The following PRKCZ variants were observed in gnomAD, a reference collection of about 807,000 sequenced individuals.
The protein encoded by PRKCZ is protein kinase C zeta type.
A neutral mutation model predicts 79.5 loss-of-function variants in PRKCZ; 33 were observed. The ratio of observed to expected loss-of-function variants is 0.41; its 90% CI spans 0.31 to 0.55. PRKCZ has a LOEUF of 0.55. PRKCZ is among the 20% of genes least tolerant of loss of function. PRKCZ has a pLI of 0.19. For missense variants in PRKCZ, 578 were observed against 813.5 expected (o/e 0.71, Z 3.52); for synonymous variants, 342 against 320.9 (o/e 1.07, Z -0.70).
rs753849571 is a variant in PRKCZ, at chr1:2,177,185, G to A, written c.1575+1872G>A. Among the ~76,000 whole-genome samples, 8 of 152,084 alleles carry A rather than the reference G, an allele frequency of 5.3e-5. No individual in the cohort carries two copies. Among genetic ancestry groups the A allele is most frequent in the African/African-American group, 9.7e-5 (4 of 41,406 alleles). Reference sequence around the variant, plus strand: ...CACACCTGGCCTAGCTGGTGTTAGTGGTGGCATCCCCTTGTCTCTGGCCCA... The same window carrying A: ...CACACCTGGCCTAGCTGGTGTTAGTAGTGGCATCCCCTTGTCTCTGGCCCA... On this transcript the variant is annotated intron_variant, in intron 16 of 17. Coordinates refer to ENST00000378567, the MANE Select transcript of PRKCZ (RefSeq NM_002744.6). This position sits in a 1 kb window ranked among gnomAD's most constrained non-coding sequence, Gnocchi z 6.4.
At position 2,070,814 on chromosome 1, in the gene PRKCZ, G is replaced by A. The variant is rs905842251; in HGVS notation, c.334+11223G>A. On this transcript the variant is annotated intron_variant, in intron 4 of 17. Coordinates refer to ENST00000378567, the MANE Select transcript of PRKCZ (RefSeq NM_002744.6). ...GGGACAGTCCTCGGCTGCGGGGGCC[G>A]GGGTGGGCCAGGAAGGGGAAGGGGC... Among the ~76,000 whole-genome samples the A allele has an allele frequency of 1.3e-3, 201 of 151,904 alleles. 2 individuals are homozygous for A. The highest frequency in any genetic ancestry group is 4.1e-4 in the Non-Finnish European group (28 of 67,866).
chr1:2,097,390 A>G (rs1259514117), intron 4 of PRKCZ, among the ~76,000 whole-genome samples: 1 of 152,180 alleles, frequency 6.6e-6, no homozygotes, highest in Non-Finnish European at 1.5e-5. Flanking sequence ...CTGGTGGAGA[A>G]TTCAGGAGGT....
At chr1:2,059,617 G>C in intron 4 of PRKCZ, 26 bp downstream of exon 4, 1 of 1,613,464 alleles carries the variant, frequency 6.2e-7, no homozygotes, top group Non-Finnish European at 8.5e-7. Flanking sequence ...TCCTACGCCG[G>C]TCTCGCATGT....
In PRKCZ at chr1:2,144,241, T is replaced by TA; in HGVS notation, c.453dup (p.Trp152MetfsTer19). The stretch of plus-strand genomic sequence containing the variant: ...TACTGCGGTCAGTGCAGCGAGAGGA[T>TA]ATGGGGCCTCGCGAGGCAAGGCTAC... On this transcript the variant is annotated frameshift_variant, in exon 6 of 18. Transcript: ENST00000378567. LOFTEE classifies it high-confidence loss of function. 6.4e-7 allele frequency: 1 copy of TA among 1,553,748 alleles called. No homozygotes were observed. Among genetic ancestry groups the TA allele is most frequent in the Non-Finnish European group, 8.7e-7 (1 of 1,147,840 alleles).
chr1:2,160,759 G>T (rs1184202209), intron 10 of PRKCZ, among the ~76,000 whole-genome samples: 4 of 152,200 alleles, frequency 2.6e-5, no homozygotes. Context: ...GTTCGCAGAA[G>T]TCAGGGCAGT....
At position 2,156,037 on chromosome 1, in the gene PRKCZ, G is replaced by A. The variant is rs1275955741; in HGVS notation, c.919G>A (p.Ala307Thr). 1 of 1,613,910 alleles carries A rather than the reference G, an allele frequency of 6.2e-7. No individual in the cohort carries two copies. The highest frequency in any genetic ancestry group is 8.5e-7 in the Non-Finnish European group (1 of 1,179,962). ...VQTEKHVFEQ[A>T]SSNPFLVGLH... Reference sequence around the variant, plus strand: ...GACAGAGAAGCACGTGTTTGAGCAGGCATCCAGCAACCCCTTCCTGGTCGG... The same window carrying A: ...GACAGAGAAGCACGTGTTTGAGCAGACATCCAGCAACCCCTTCCTGGTCGG... Residue 307 changes from alanine to threonine, a missense_variant, in exon 10 of 18, where the codon GCA (alanine) becomes ACA (threonine). Ala to Thr is a moderately conservative substitution (Grantham distance 58). Around this residue, in one of 4 missense-constraint regions of PRKCZ, gnomAD observed 243 missense variants for 467.0 expected, o/e 0.52. Coordinates refer to ENST00000378567, the MANE Select transcript of PRKCZ (RefSeq NM_002744.6).
intron 4 of PRKCZ, among the ~76,000 whole-genome samples, chr1:2,088,317 T>A (rs894270004): frequency 2.0e-5 from 3 of 151,932 alleles, no homozygotes; most frequent in African/African-American, 7.3e-5. Context: ...TGCACGCCCC[T>A]CCCTCCGCCT....
intron 5 of PRKCZ, chr1:2,144,009 T>A: frequency 1.5e-6 from 1 of 650,050 alleles, no homozygotes; most frequent in South Asian, 2.2e-5. Context: ...GGGCCACTGG[T>A]TCCCCCAACC....
intron 5 of PRKCZ, among the ~76,000 whole-genome samples, chr1:2,140,893 A>G (rs1393622095): frequency 1.3e-5 from 2 of 152,188 alleles, no homozygotes; most frequent in African/African-American, 4.8e-5. Flanking sequence ...GCTTGAACCC[A>G]GGAGGCGGAG....
Position 2,120,588 on chromosome 1 carries a change from G to A in PRKCZ, c.335-14674G>A, listed in dbSNP as rs148843230. Reference sequence around the variant, plus strand: ...TGGGATTACAGGTGTGAGCCACCGTGCCCGGCCAGCCCTTGGCTTTTCAAA... The same window carrying A: ...TGGGATTACAGGTGTGAGCCACCGTACCCGGCCAGCCCTTGGCTTTTCAAA... On this transcript the variant is annotated intron_variant, in intron 4 of 17. Coordinates refer to ENST00000378567, the MANE Select transcript of PRKCZ (RefSeq NM_002744.6). Among the ~76,000 whole-genome samples, 5 of 151,946 alleles carry A rather than the reference G, an allele frequency of 3.3e-5. No individual in the cohort carries two copies. In the East Asian group the frequency reaches 9.7e-4, roughly 30 times the overall value.
intron 5 of PRKCZ, among the ~76,000 whole-genome samples, chr1:2,136,209 C>T (rs1269955384): frequency 6.6e-6 from 1 of 152,226 alleles, no homozygotes; most frequent in Admixed American, 6.5e-5. Flanking sequence ...ATGGTCTGCC[C>T]TCTAGACCAT....
chr1:2,073,936 C>G, intron 4 of PRKCZ: 2 of 1,346,210 alleles, frequency 1.5e-6, no homozygotes, highest in Non-Finnish European at 1.9e-6. Flanking sequence ...GCCGGTGAGT[C>G]GGGGGCATCT....
rs373647833 is a variant in PRKCZ, at chr1:2,150,837, G to A, written c.735G>A (p.Gln245=). Residue 245 remains glutamine (Q), a synonymous_variant, in exon 9 of 18, where the codon CAG becomes CAA. Coordinates refer to ENST00000378567, the MANE Select transcript of PRKCZ (RefSeq NM_002744.6). ...GGATGGATGGAATCAAAATCTCTCAGGGGCTTGGGCTGCAGGACTTTGACC... is the reference window on the plus strand; with the variant it reads ...GGATGGATGGAATCAAAATCTCTCAAGGGCTTGGGCTGCAGGACTTTGACC... The part of the protein sequence containing the change: ...IDGMDGIKIS[Q]GLGLQDFDLI... The A allele has an allele frequency of 5.6e-6, 9 of 1,614,090 alleles. No individual in the cohort carries two copies. Among genetic ancestry groups the A allele is most frequent in the Middle Eastern group, 1.6e-4 (1 of 6,082 alleles).
chr1:2,105,783 C>T lies in PRKCZ; in HGVS notation c.335-29479C>T, dbSNP rs940964921. 1.6e-4 allele frequency among the ~76,000 whole-genome samples: 25 copies of T among 152,308 alleles called. 1 individual carries two copies. The highest frequency in any genetic ancestry group is 4.1e-4 in the African/African-American group (17 of 41,566). On this transcript the variant is annotated intron_variant, in intron 4 of 17. Coordinates refer to ENST00000378567, the MANE Select transcript of PRKCZ (RefSeq NM_002744.6). The stretch of plus-strand genomic sequence containing the variant: ...GCTGTCAGGAGGAGCAGGGTGGCTG[C>T]GTGCCCCTGGGAGCTGCTGTGGGTG...
At position 2,185,343 on chromosome 1, in the gene PRKCZ, A is replaced by G. The variant is rs902156035; in HGVS notation, c.*334A>G. On this transcript the variant is annotated 3_prime_UTR_variant, in exon 18 of 18. Coordinates refer to ENST00000378567, the MANE Select transcript of PRKCZ (RefSeq NM_002744.6). ...ACTCGATGCACTGACCTGCTCCGCCAGGAAAGTGAGCGTGTAGCGTCCTGA... is the reference window on the plus strand; with the variant it reads ...ACTCGATGCACTGACCTGCTCCGCCGGGAAAGTGAGCGTGTAGCGTCCTGA... The G allele has an allele frequency of 2.8e-6, 2 of 718,724 alleles. No individual in the cohort carries two copies. The highest frequency in any genetic ancestry group is 3.5e-5 in the African/African-American group (2 of 57,286). 44.5% of individuals were successfully genotyped at this position (718,724 alleles called of 1,614,324 possible). A position where few individuals can be genotyped will look rare whatever the true frequency, so the allele number is the denominator to read the frequency against.
chr1:2,144,732 C>G (rs536478116), intron 6 of PRKCZ: 1 of 779,094 alleles, frequency 1.3e-6, no homozygotes, highest in East Asian at 1.1e-4. Flanking sequence ...TCTGGAGCCT[C>G]TCCCTGGCAT....
At chr1:2,118,963 A>T (rs760623467) in intron 4 of PRKCZ, among the ~76,000 whole-genome samples, 1 of 152,066 alleles carries the variant, frequency 6.6e-6, no homozygotes, top group South Asian at 2.1e-4. Flanking sequence ...TAGCTTTGTC[A>T]TCTTGCTATG....
intron 3 of PRKCZ, among the ~76,000 whole-genome samples, 156 bp downstream of exon 3, chr1:2,056,729 CT>C (rs1213314980): frequency 0.026 from 3,603 of 136,704 alleles, 20 homozygotes; most frequent in Non-Finnish European, 0.032. Context: ...TTTTCTTTGA[CT>C]TTTTTTTTTT....
rs762611938 is a variant in PRKCZ at position 2,135,372 on chromosome 1, C to T, written c.420+25C>T. ...GGTGAGTGGCCCCCTTGGGACTAGT[C>T]CCTCAAGGGGCCTTTTGTTACTTTT... is the stretch of plus-strand genomic sequence containing the variant. On this transcript the variant is annotated intron_variant, in intron 5 of 17. Coordinates refer to ENST00000378567, the MANE Select transcript of PRKCZ (RefSeq NM_002744.6). 4 of 1,571,852 alleles carry T rather than the reference C, an allele frequency of 2.5e-6. No individual in the cohort carries two copies. The African/African-American group carries it at 4.1e-5, about 16-fold the overall frequency.
Sources: gnomAD v4.1 joint callset for allele counts (sites outside exome capture counted in the v4.1 genomes callset) on GRCh38, gnomAD v4.1.1 for gene constraint, gnomAD v4.1.1 regional missense constraint, Gnocchi (gnomAD v3.1) non-coding constraint, MANE v1.5 for transcripts, NCBI Gene and HGNC (gene_info 2026-07-23, HGNC 2026-07-21) for gene names.